The following RIF1 variants were observed in gnomAD, a reference collection of about 807,000 sequenced individuals.
RIF1 encodes replication timing regulatory factor 1.
A neutral mutation model predicts 247.1 loss-of-function variants in RIF1; 45 were observed. That is an observed-to-expected ratio of 0.18 (90% CI 0.14 to 0.23). RIF1 has a LOEUF of 0.23. Among genes scored for constraint, RIF1 ranks in the 10% least tolerant of loss-of-function variants. The pLI, the probability that RIF1 is intolerant of heterozygous loss-of-function variation, is 1.00. For synonymous variants in RIF1, 1,087 were observed against 978.8 expected (o/e 1.11, Z -2.06); for missense variants, 2,967 against 2,862.5 (o/e 1.04, Z -0.83).
chr2:151,469,698 C>T lies in RIF1; in HGVS notation c.6942-13C>T. ...ACTATATAATTATAATTTCCTGTTT[C>T]TGTTTTGTTTAGGGCAAGAGGCCTG... is the stretch of plus-strand genomic sequence containing the variant. On this transcript the variant is annotated splice_polypyrimidine_tract_variant and intron_variant, in intron 33 of 35. Coordinates refer to ENST00000444746, the MANE Select transcript of RIF1 (RefSeq NM_018151.5). The T allele has an allele frequency of 6.6e-7, 1 of 1,507,862 alleles. No homozygotes were observed. The highest frequency in any genetic ancestry group is 1.4e-5 in the South Asian group (1 of 72,746). The allele number at this position is 1,507,862 out of a possible 1,614,324, so 93.4% of individuals were successfully genotyped here.
the RIF1 span, among the ~76,000 whole-genome samples, chr2:151,517,709 G>A: frequency 6.6e-6 from 1 of 152,092 alleles, no homozygotes; most frequent in Non-Finnish European, 1.5e-5. Context: ...AAATCTGTAG[G>A]CACTTGTAAC....
Position 151,475,265 on chromosome 2 carries a change from T to TTTC in RIF1, c.*194_*195insTTC. On this transcript the variant is annotated 3_prime_UTR_variant, in exon 36 of 36. Coordinates refer to ENST00000444746, the MANE Select transcript of RIF1 (RefSeq NM_018151.5). ...TCATTATGTAAGATCCTTTTTTTTT[T>TTTC]CATAATATGTATTCTTGGCTGCTAT... 1.8e-6 allele frequency: 1 copy of TTTC among 553,504 alleles called. No individual in the cohort carries two copies. The highest frequency in any genetic ancestry group is 3.2e-5 in the East Asian group (1 of 31,486). 34.3% of individuals were successfully genotyped at this position (553,504 alleles called of 1,614,324 possible).
In RIF1 at chr2:151,500,041, A is replaced by G. The variant is rs2063238783; in HGVS notation, c.*709+501A>G. On this transcript the variant is annotated intron_variant and NMD_transcript_variant, in intron 11 of 13. Coordinates refer to the RIF1 transcript ENST00000454583. Reference sequence around the variant, plus strand: ...ACTTACTGTAGTATACAAGAAAATAATTAGAAAATAATTTTGAAAATCGTT... The same window carrying G: ...ACTTACTGTAGTATACAAGAAAATAGTTAGAAAATAATTTTGAAAATCGTT... 2.6e-5 allele frequency among the ~76,000 whole-genome samples: 4 copies of G among 152,334 alleles called. No homozygotes were observed. In the South Asian group the frequency reaches 6.2e-4, roughly 24 times the overall value.
At chr2:151,529,254 C>G in the RIF1 span, 1 of 1,613,724 alleles carries the variant, frequency 6.2e-7, no homozygotes, top group Non-Finnish European at 8.5e-7. Context: ...TTGATATGAA[C>G]AGCATCTGGC....
intron 9 of RIF1, 126 bp from the exon 10 acceptor site, chr2:151,432,951 A>T (rs1374077698): frequency 3.0e-6 from 2 of 676,216 alleles, no homozygotes; most frequent in Non-Finnish European, 4.6e-6. Context: ...CAGCCTGGGG[A>T]TTTATTTTTT....
At chr2:151,529,272 T>G in the RIF1 span, 23 of 1,613,644 alleles carry the variant, frequency 1.4e-5, no homozygotes, top group Non-Finnish European at 1.9e-5. Flanking sequence ...GGCTCAATGG[T>G]GCAGTTGGAT....
intron 26 of RIF1, 113 bp downstream of exon 26, chr2:151,460,232 G>A: frequency 1.2e-6 from 1 of 857,154 alleles, no homozygotes; most frequent in Non-Finnish European, 1.7e-6. Context: ...GGTTGGGATT[G>A]CAGGGGAATT....
chr2:151,493,267 A>G, intron 9 of RIF1: 1 of 1,020,268 alleles, frequency 9.8e-7, no homozygotes, highest in Middle Eastern at 2.2e-4. Context: ...TGTGTTTTTC[A>G]GTTGAATGAG....
At chr2:151,467,624 C>G (rs181664897) in intron 30 of RIF1, among the ~76,000 whole-genome samples, 1 of 152,034 alleles carries the variant, frequency 6.6e-6, no homozygotes, top group Non-Finnish European at 1.5e-5. Flanking sequence ...ATTACAGGTG[C>G]GAGCCACTGC....
In RIF1 at chr2:151,493,669, A is replaced by G. The variant is rs2058249842; in HGVS notation, c.*416-1560A>G. The G allele has an allele frequency of 5.3e-6, 5 of 950,734 alleles. No homozygotes were observed. In the East Asian group the frequency reaches 1.3e-4, roughly 25 times the overall value. The allele number at this position is 950,734 out of a possible 1,614,324, so 58.9% of individuals were successfully genotyped here. On this transcript the variant is annotated intron_variant and NMD_transcript_variant, in intron 9 of 13. Transcript: ENST00000454583. ...TTTAAGTGGACAAGGAAGAATTTTT[A>G]AAGATACACAAAAGTTTTGGAAAAA...
intron 23 of RIF1, 32 bp from the exon 24 acceptor site, chr2:151,457,729 A>G: frequency 1.4e-6 from 2 of 1,476,432 alleles, no homozygotes; most frequent in Non-Finnish European, 1.9e-6. Flanking sequence ...TATTTAGTAT[A>G]TGTTTTGCTT....
At chr2:151,455,504 G>GTTGGCTGT (rs1318724191) in intron 22 of RIF1, among the ~76,000 whole-genome samples, 1 of 152,162 alleles carries the variant, frequency 6.6e-6, no homozygotes, top group East Asian at 1.9e-4. Context: ...ACTTAATACA[G>GTTGGCTGT]TTGGCTGTTT....
At chr2:151,416,934 T>C (rs776336327) in intron 6 of RIF1, 33 bp downstream of exon 6, 21 of 1,515,590 alleles carry the variant, frequency 1.4e-5, no homozygotes, top group African/African-American at 2.8e-5. Flanking sequence ...AATTGAAGAA[T>C]AGTTTTCATA....
Position 151,427,788 on chromosome 2 carries a change from G to A in RIF1, c.787-996G>A, listed in dbSNP as rs550071881. On this transcript the variant is annotated intron_variant, in intron 8 of 35. Coordinates refer to ENST00000444746, the MANE Select transcript of RIF1 (RefSeq NM_018151.5). The stretch of plus-strand genomic sequence containing the variant: ...CTACTAAAAATACAAAAATTAGGCC[G>A]GCATGGTGGCTCACGCCTGTAATCC... Among the ~76,000 whole-genome samples, 5 of 151,754 alleles carry A rather than the reference G, an allele frequency of 3.3e-5. No homozygotes were observed. The South Asian group carries it at 8.3e-4, about 25-fold the overall frequency.
chr2:151,461,127 C>T lies in RIF1; in HGVS notation c.3076-11C>T, dbSNP rs373917179. ...TAAAATGTACATTTGCTTATTTTTT[C>T]AAATCTGCAGCTGAAACTTGAATCT... On this transcript the variant is annotated splice_polypyrimidine_tract_variant and intron_variant, in intron 26 of 35. Transcript: ENST00000444746. 1.8e-5 allele frequency: 28 copies of T among 1,596,344 alleles called. No individual in the cohort carries two copies. The highest frequency in any genetic ancestry group is 2.4e-5 in the Non-Finnish European group (28 of 1,175,096).
intron 10 of RIF1, among the ~76,000 whole-genome samples, chr2:151,495,597 G>A (rs562985649): frequency 2.0e-5 from 3 of 152,250 alleles, no homozygotes; most frequent in African/African-American, 7.2e-5. Flanking sequence ...CATATATAAT[G>A]TCACAGAGCA....
intron 8 of RIF1, among the ~76,000 whole-genome samples, chr2:151,424,638 G>C (rs1033257679): frequency 2.6e-5 from 4 of 151,834 alleles, no homozygotes; most frequent in Admixed American, 2.6e-4. Context: ...GGGTTATGTA[G>C]TAGTTCTATG....
intron 20 of RIF1, among the ~76,000 whole-genome samples, chr2:151,447,626 G>C (rs1693549666): frequency 6.6e-6 from 1 of 152,084 alleles, no homozygotes. Context: ...GCTCACTGCA[G>C]CCTCCGCCTT....
At chr2:151,482,865 C>T (rs2049225330), downstream of RIF1, among the ~76,000 whole-genome samples, 1 of 152,132 alleles carries the variant, frequency 6.6e-6, no homozygotes, top group South Asian at 2.1e-4. Context: ...TTATCTGTCC[C>T]ATACCTCTCC....
Sources: allele counts gnomAD v4.1 joint callset (sites outside exome capture counted in the v4.1 genomes callset), GRCh38; gene constraint gnomAD v4.1.1; transcripts MANE v1.5; gene names NCBI Gene and HGNC (gene_info 2026-07-23, HGNC 2026-07-21).